The following TLL1 variants were observed in gnomAD, a reference collection of about 807,000 sequenced individuals.
TLL1 encodes the protein tolloid-like protein 1.
Under a neutral mutation model 128.2 loss-of-function variants are expected in TLL1, and 49 were observed. That is an observed-to-expected ratio of 0.38 (90% confidence interval 0.30 to 0.48). The LOEUF (loss-of-function observed/expected upper bound fraction) is 0.48. Ranked by LOEUF, TLL1 falls within the 20% of genes least tolerant of loss-of-function variation. TLL1 has a pLI of 0.96. For missense variants in TLL1, 1,123 were observed against 1,242.0 expected, an observed-to-expected ratio of 0.90 and a Z score of 1.44; for synonymous variants, 454 against 418.8, an observed-to-expected ratio of 1.08 and a Z score of -1.03.
intron 17 of TLL1, among the ~76,000 whole-genome samples, chr4:166,076,887 A>T (rs757913050): frequency 1.6e-4 from 24 of 152,188 alleles, no homozygotes; most frequent in African/African-American, 4.6e-4. Flanking sequence ...AAGGTCTAGT[A>T]TTAATGATTG....
chr4:166,026,697 A>C (rs2111071699), intron 9 of TLL1, among the ~76,000 whole-genome samples: 1 of 152,270 alleles, frequency 6.6e-6, no homozygotes, highest in East Asian at 1.9e-4. Context: ...CAAAAAAAAA[A>C]ATAGACAAAA....
Position 165,994,484 on chromosome 4 carries a change from A to G in TLL1, c.465A>G (p.Arg155=). The part of the protein sequence containing the change: ...VPRAATSRTE[R]IWPGGVIPYV... ...GAGCCGCTACATCAAGAACGGAAAG[A>G]ATATGGCCTGGAGGCGTTATTCCTT... The change falls in exon 4 of 21, where the codon AGA becomes AGG. Residue 155 remains arginine, a synonymous_variant. Transcript: ENST00000061240. 1 of 1,614,062 alleles carries G rather than the reference A, an allele frequency of 6.2e-7. No homozygotes were observed. Among genetic ancestry groups the G allele is most frequent in the Non-Finnish European group, 8.5e-7 (1 of 1,179,972 alleles).
intron 1 of TLL1, among the ~76,000 whole-genome samples, chr4:165,957,214 G>T (rs138622690): frequency 6.6e-6 from 1 of 152,036 alleles, no homozygotes; most frequent in African/African-American, 2.4e-5. Flanking sequence ...TCTTACATTA[G>T]ACAAAATGAC....
chr4:166,003,194 G>A (rs1056997741), intron 5 of TLL1, among the ~76,000 whole-genome samples, 197 bp from the exon 6 acceptor site: 9 of 152,176 alleles, frequency 5.9e-5, no homozygotes, highest in African/African-American at 1.9e-4. Flanking sequence ...CACTTGAACT[G>A]ATTATTTGGA....
intron 19 of TLL1, among the ~76,000 whole-genome samples, chr4:166,093,860 G>A (rs566786514): frequency 3.9e-4 from 59 of 152,222 alleles, no homozygotes; most frequent in African/African-American, 1.3e-3. Context: ...AACAAGGCAC[G>A]TCCTGCACAG....
At chr4:166,091,920 A>G (rs144795448) in intron 19 of TLL1, among the ~76,000 whole-genome samples, 100 of 152,220 alleles carry the variant, frequency 6.6e-4, no homozygotes, top group African/African-American at 2.3e-3. Flanking sequence ...AATAGAATTT[A>G]ATTTAGAAAA....
At chr4:165,874,193 C>T in intron 1 of TLL1, 120 bp downstream of exon 1, 2 of 1,218,758 alleles carry the variant, frequency 1.6e-6, no homozygotes, top group East Asian at 2.3e-5. Flanking sequence ...TCCGCCGCCC[C>T]TCCTTCTCTC....
chr4:165,907,570 C>T (rs567945371), intron 1 of TLL1, among the ~76,000 whole-genome samples: 272 of 141,154 alleles, frequency 1.9e-3, no homozygotes, highest in African/African-American at 6.9e-3. Context: ...TTTTTTGAGA[C>T]GGAGTTTTGA....
At chr4:165,983,912 G>A (rs1429414827) in intron 1 of TLL1, among the ~76,000 whole-genome samples, 1 of 151,836 alleles carries the variant, frequency 6.6e-6, no homozygotes, top group Non-Finnish European at 1.5e-5. Context: ...GAAAGGATGA[G>A]TGAACAATTT....
At chr4:165,992,701 A>T (rs763727060) in intron 2 of TLL1, 103 bp from the exon 3 acceptor site, 21 of 1,091,698 alleles carry the variant, frequency 1.9e-5, no homozygotes, top group Non-Finnish European at 2.8e-5. Flanking sequence ...TTAAGACCAC[A>T]TAAAAAATGA....
At chr4:165,883,666 C>G (rs906448963) in intron 1 of TLL1, among the ~76,000 whole-genome samples, 1 of 152,106 alleles carries the variant, frequency 6.6e-6, no homozygotes, top group East Asian at 1.9e-4. Context: ...TTAATCACAA[C>G]TACTTATTTG....
At chr4:165,936,209 TTTTTTTC>T (rs1391431908) in intron 1 of TLL1, among the ~76,000 whole-genome samples, 149 of 148,496 alleles carry the variant, frequency 1.0e-3, no homozygotes, top group Admixed American at 2.5e-3. Flanking sequence ...TATATATATT[TTTTTTTC>T]TTTTTTCTTT....
At chr4:166,038,995 C>T (rs1262455929) in intron 9 of TLL1, among the ~76,000 whole-genome samples, 1 of 152,084 alleles carries the variant, frequency 6.6e-6, no homozygotes, top group Admixed American at 6.6e-5. Flanking sequence ...CCATGTTTAT[C>T]TTGGGAAAAT....
At chr4:166,061,332 G>A (rs7699143) in intron 15 of TLL1, among the ~76,000 whole-genome samples, 4,152 of 149,556 alleles carry the variant, frequency 0.028, 188 homozygotes, top group African/African-American at 0.092. Flanking sequence ...TGCAACCTCC[G>A]CCTCCTGGGT....
Position 165,990,598 on chromosome 4 carries a change from T to TTG in TLL1, c.280+1118_280+1119dup, listed in dbSNP as rs1342005312. 2.6e-5 allele frequency among the ~76,000 whole-genome samples: 4 copies of TTG among 151,480 alleles called. No individual in the cohort carries two copies. The South Asian group carries it at 6.2e-4, about 24-fold the overall frequency. On this transcript the variant is annotated intron_variant, in intron 2 of 20. Transcript: ENST00000061240. ...GATTTTCACTGAATGTGTGTGTGTG[T>TTG]TGTGTGTGTGTGCATACATGCATAC...
intron 1 of TLL1, among the ~76,000 whole-genome samples, chr4:165,954,226 T>C (rs1443287096): frequency 6.6e-6 from 1 of 151,962 alleles, no homozygotes; most frequent in Admixed American, 6.6e-5. Flanking sequence ...AGGAGGAGGA[T>C]TTTAAGAATG....
intron 16 of TLL1, among the ~76,000 whole-genome samples, chr4:166,070,817 G>A (rs1268377727): frequency 6.6e-6 from 1 of 151,858 alleles, no homozygotes; most frequent in Non-Finnish European, 1.5e-5. Flanking sequence ...CTCATGGAAT[G>A]GTTGTTGATA....
chr4:165,902,496 AC>A (rs1366576185), intron 1 of TLL1, among the ~76,000 whole-genome samples: 3 of 151,870 alleles, frequency 2.0e-5, no homozygotes, highest in African/African-American at 7.3e-5. Flanking sequence ...ACCGTTCCTC[AC>A]CTCATGGTCC....
At chr4:166,049,645 ATGTGT>A (rs2111103266) in intron 12 of TLL1, among the ~76,000 whole-genome samples, 1 of 151,450 alleles carries the variant, frequency 6.6e-6, no homozygotes, top group African/African-American at 2.4e-5. Flanking sequence ...GTAATTATTC[ATGTGT>A]TGTGTCAACT....
Sources: allele counts gnomAD v4.1 joint callset (sites outside exome capture counted in the v4.1 genomes callset), GRCh38; gene constraint gnomAD v4.1.1; transcripts MANE v1.5; gene names NCBI Gene and HGNC (gene_info 2026-07-23, HGNC 2026-07-21).